Variants in FBLN2 observed in about 807,000 individuals in gnomAD.
FBLN2 encodes the protein fibulin 2.
Under a neutral mutation model 123.7 loss-of-function variants are expected in FBLN2, and 81 were observed. The ratio of observed to expected loss-of-function variants is 0.65; its 90% confidence interval spans 0.55 to 0.79. The LOEUF is 0.79. FBLN2 is among the 30% of genes least tolerant of loss of function. The pLI, the probability that FBLN2 is intolerant of heterozygous loss-of-function variation, is 0.00. For synonymous variants in FBLN2, 699 were observed against 701.4 expected (o/e 1.00, Z 0.05); for missense variants, 1,603 against 1,681.3 (o/e 0.95, Z 0.81).
rs369448351 is a variant in FBLN2 at position 13,637,426 on chromosome 3, G to C, written c.3339-136G>C. 1.2e-3 allele frequency: 859 copies of C among 740,006 alleles called. 1 individual carries two copies. Among genetic ancestry groups the C allele is most frequent in the Non-Finnish European group, 1.4e-3 (650 of 461,912 alleles). The allele number at this position is 740,006 out of a possible 1,614,324, so 45.8% of individuals were successfully genotyped here. The stretch of plus-strand genomic sequence containing the variant: ...AACTGAGACCCAGGGGACGTAAGGG[G>C]ACTTGCCTGAGGCTTCCCGGCCATT... On this transcript the variant is annotated intron_variant, in intron 17 of 17. Transcript: ENST00000404922.
At position 13,618,279 on chromosome 3, in the gene FBLN2, CGCCCAGGTAAGG is replaced by C. The variant is rs1705705358; in HGVS notation, c.1938_1939+10del. 1 of 1,613,776 alleles carries C rather than the reference CGCCCAGGTAAGG, an allele frequency of 6.2e-7. No homozygotes were observed. Among genetic ancestry groups the C allele is most frequent in the Non-Finnish European group, 8.5e-7 (1 of 1,179,888 alleles). Reference sequence around the variant, plus strand: ...ACTGCAGGACGATGGCCGCACTTGCCGCCCAGGTAAGGGCCCTGATGGCCAGGGCAGGGGCTA... The same window carrying C: ...ACTGCAGGACGATGGCCGCACTTGCCGCCCTGATGGCCAGGGCAGGGGCTA... On this transcript the variant is annotated splice_donor_variant and splice_donor_5th_base_variant and coding_sequence_variant and intron_variant, in exon 6 of 18. Coordinates refer to ENST00000404922, the MANE Select transcript of FBLN2 (RefSeq NM_001004019.2). LOFTEE classifies it high-confidence loss of function.
chr3:13,605,198 G>C, intron 2 of FBLN2, among the ~76,000 whole-genome samples: 1 of 152,158 alleles, frequency 6.6e-6, no homozygotes, highest in East Asian at 1.9e-4. Flanking sequence ...TAGACCTCAG[G>C]GGCAAACGCT....
At chr3:13,636,088 A>G (rs1278192663) in intron 16 of FBLN2, among the ~76,000 whole-genome samples, 3 of 152,338 alleles carry the variant, frequency 2.0e-5, no homozygotes, top group Admixed American at 1.3e-4. Context: ...GGGTCAGGCT[A>G]TTGGGGCAGC....
chr3:13,557,263 A>T (rs1360347808), intron 1 of FBLN2, among the ~76,000 whole-genome samples: 4 of 152,176 alleles, frequency 2.6e-5, no homozygotes, highest in Non-Finnish European at 5.9e-5. Context: ...CTGCCCTAGG[A>T]GGGGTCTAGT....
chr3:13,581,523 A>G (rs182440885), intron 2 of FBLN2, among the ~76,000 whole-genome samples: 1 of 152,208 alleles, frequency 6.6e-6, no homozygotes, highest in African/African-American at 2.4e-5. Flanking sequence ...GTAAACCTCA[A>G]CACCCACAGA....
Position 13,626,456 on chromosome 3 carries a change from T to C in FBLN2, c.2308T>C (p.Cys770Arg). The stretch of plus-strand genomic sequence containing the variant: ...CGCTCTCCCTGCAGACATCAACGAG[T>C]GTGTGACGGACCTGCACACGTGCAG... ...AHRKCVDINE[C>R]VTDLHTCSRG... The change falls in exon 10 of 18, where the codon TGT becomes CGT. Residue 770 changes from cysteine to arginine, a missense_variant. By Grantham distance (180) the Cys-to-Arg change is radical. Transcript: ENST00000404922. The C allele has an allele frequency of 6.3e-7, 1 of 1,583,564 alleles. No individual in the cohort carries two copies. Among genetic ancestry groups the C allele is most frequent in the Admixed American group, 1.8e-5 (1 of 56,522 alleles).
At chr3:13,608,002 C>T in intron 2 of FBLN2, 60 bp from the exon 3 acceptor site, 1 of 1,364,984 alleles carries the variant, frequency 7.3e-7, no homozygotes, top group Non-Finnish European at 1.0e-6. Flanking sequence ...CAGGCCCCTG[C>T]ATATCTGCTG....
chr3:13,633,392 G>A (rs6791199), intron 16 of FBLN2, among the ~76,000 whole-genome samples: 1,873 of 152,388 alleles, frequency 0.012, 45 homozygotes, highest in African/African-American at 0.041. Context: ...GGAGGTTGGG[G>A]CAAGGTAGAG....
intron 1 of FBLN2, among the ~76,000 whole-genome samples, chr3:13,567,149 G>A (rs1703771803): frequency 6.6e-6 from 1 of 152,094 alleles, no homozygotes; most frequent in Non-Finnish European, 1.5e-5. Context: ...CACCCTGGGG[G>A]CTGTGCCGGT....
chr3:13,631,181 C>T (rs1382813319), intron 15 of FBLN2, 148 bp from the exon 16 acceptor site: 2 of 1,063,112 alleles, frequency 1.9e-6, no homozygotes, highest in Admixed American at 5.4e-5. Context: ...TGGCCTTGGG[C>T]AACTCTCTTC....
chr3:13,622,022 G>C, intron 9 of FBLN2, 107 bp downstream of exon 9: 3 of 1,317,354 alleles, frequency 2.3e-6, no homozygotes, highest in Non-Finnish European at 3.1e-6. Context: ...CTTTGCATGT[G>C]AGCTCTCAGC....
At chr3:13,568,573 G>A (rs965084470) in intron 1 of FBLN2, among the ~76,000 whole-genome samples, 2 of 152,216 alleles carry the variant, frequency 1.3e-5, no homozygotes, top group Non-Finnish European at 2.9e-5. Context: ...TGCTGATGTG[G>A]CTCAGCCCTG....
chr3:13,606,169 G>T (rs1705197193), intron 2 of FBLN2, among the ~76,000 whole-genome samples: 1 of 152,164 alleles, frequency 6.6e-6, no homozygotes, highest in Non-Finnish European at 1.5e-5. Flanking sequence ...CAAAATGCTG[G>T]GATACAGGCG....
chr3:13,557,249 C>G (rs1176960235), intron 1 of FBLN2, among the ~76,000 whole-genome samples: 1 of 152,218 alleles, frequency 6.6e-6, no homozygotes. Flanking sequence ...AGCGAGGCAG[C>G]CTGCTGCCCT....
intron 2 of FBLN2, among the ~76,000 whole-genome samples, chr3:13,602,651 G>T (rs1399091859): frequency 6.6e-6 from 1 of 152,018 alleles, no homozygotes; most frequent in Non-Finnish European, 1.5e-5. Flanking sequence ...TTCTAGGTTT[G>T]TTTCTCTTTT....
At chr3:13,562,356 CTTTTTTTTTT>C in intron 1 of FBLN2, among the ~76,000 whole-genome samples, 1 of 135,146 alleles carries the variant, frequency 7.4e-6, no homozygotes, top group South Asian at 2.4e-4. Context: ...ATGAAGTTTA[CTTTTTTTTTT>C]TTTTTTTTGT....
intron 1 of FBLN2, among the ~76,000 whole-genome samples, chr3:13,550,318 A>G (rs1474912017): frequency 6.6e-6 from 1 of 152,136 alleles, no homozygotes; most frequent in Non-Finnish European, 1.5e-5. Context: ...ACCTCCGTGC[A>G]TCCTCTCTCC....
intron 1 of FBLN2, among the ~76,000 whole-genome samples, chr3:13,552,430 T>C (rs1341087386): frequency 6.6e-6 from 1 of 152,104 alleles, no homozygotes; most frequent in Admixed American, 6.5e-5. Flanking sequence ...ACACCATGCA[T>C]GGCTTCTGGT....
rs936903123 is a variant in FBLN2 at position 13,627,728 on chromosome 3, C to T, written c.2432-104C>T. The stretch of plus-strand genomic sequence containing the variant: ...CAGCTTCCCAGGGAGATCTTTGTGG[C>T]CATCAGGGTCATGGGTCTGAGGGCG... On this transcript the variant is annotated intron_variant, in intron 10 of 17. Transcript: ENST00000404922. 9.5e-6 allele frequency: 13 copies of T among 1,374,814 alleles called. No homozygotes were observed. In the African/African-American group the frequency reaches 1.6e-4, roughly 17 times the overall value. The allele number at this position is 1,374,814 out of a possible 1,614,324, so 85.2% of individuals were successfully genotyped here.
Sources: gnomAD v4.1 joint callset for allele counts (sites outside exome capture counted in the v4.1 genomes callset) on GRCh38, gnomAD v4.1.1 for gene constraint, MANE v1.5 for transcripts, NCBI Gene and HGNC (gene_info 2026-07-23, HGNC 2026-07-21) for gene names.